GRID2: variants seen among roughly 807,000 people sequenced by gnomAD.
GRID2 encodes the protein glutamate receptor ionotropic, delta-2.
A neutral mutation model predicts 114.8 loss-of-function variants in GRID2; 33 were observed. That is an observed-to-expected ratio of 0.29 (90% CI 0.22 to 0.38). GRID2 has a LOEUF of 0.38. GRID2 is among the 10% of genes least tolerant of loss of function. The pLI is 1.00. For synonymous variants in GRID2, 505 were observed against 449.9 expected, an observed-to-expected ratio of 1.12 and a Z score of -1.55; for missense variants, 1,184 against 1,257.7, an observed-to-expected ratio of 0.94 and a Z score of 0.89.
intron 2 of GRID2, among the ~76,000 whole-genome samples, chr4:92,720,879 A>G (rs1449993713): frequency 6.6e-6 from 1 of 152,148 alleles, no homozygotes; most frequent in Non-Finnish European, 1.5e-5. Context: ...ATTATTTACA[A>G]TAGACAAAAC....
intron 2 of GRID2, among the ~76,000 whole-genome samples, chr4:92,971,764 G>T (rs1435618297): frequency 6.6e-6 from 1 of 151,782 alleles, no homozygotes; most frequent in Non-Finnish European, 1.5e-5. Flanking sequence ...ATTTTCTTTA[G>T]CTCCCACATA....
At chr4:93,537,404 A>G (rs1463331675) in intron 13 of GRID2, among the ~76,000 whole-genome samples, 1 of 151,812 alleles carries the variant, frequency 6.6e-6, no homozygotes. Context: ...TCTAATAAAT[A>G]AGACAAATCA....
intron 4 of GRID2, among the ~76,000 whole-genome samples, chr4:93,181,295 G>A (rs982210922): frequency 2.6e-5 from 4 of 152,126 alleles, no homozygotes; most frequent in African/African-American, 9.7e-5. Context: ...TCTCAACAGT[G>A]CACTTAAATA....
intron 1 of GRID2, among the ~76,000 whole-genome samples, chr4:92,471,501 G>T (rs1722031477): frequency 6.6e-6 from 1 of 151,912 alleles, no homozygotes; most frequent in Admixed American, 6.6e-5. Flanking sequence ...ATACTGCCTG[G>T]TATAATGATA....
intron 2 of GRID2, among the ~76,000 whole-genome samples, chr4:92,654,426 T>G (rs1415524350): frequency 2.0e-5 from 3 of 152,024 alleles, no homozygotes; most frequent in African/African-American, 7.2e-5. Context: ...ATTCAATCCA[T>G]AACACTGCCC....
intron 11 of GRID2, among the ~76,000 whole-genome samples, chr4:93,465,837 C>T (rs1724214072): frequency 6.6e-6 from 1 of 152,164 alleles, no homozygotes; most frequent in South Asian, 2.1e-4. Flanking sequence ...AATAAACTCA[C>T]AATAACTTTA....
chr4:92,515,329 T>C (rs1009259584), intron 1 of GRID2, among the ~76,000 whole-genome samples: 7 of 151,920 alleles, frequency 4.6e-5, no homozygotes, highest in Non-Finnish European at 8.8e-5. Flanking sequence ...GTCACCTTGT[T>C]TCTTAAAACT....
At chr4:93,126,560 A>ACAGTCATT (rs1387063866) in intron 4 of GRID2, among the ~76,000 whole-genome samples, 3 of 143,750 alleles carry the variant, frequency 2.1e-5, no homozygotes, top group African/African-American at 7.7e-5. Context: ...TCCCTGGTTG[A>ACAGTCATT]CAGTCATTGA....
intron 11 of GRID2, among the ~76,000 whole-genome samples, chr4:93,478,225 A>C (rs916588466): frequency 2.2e-4 from 33 of 152,262 alleles, no homozygotes; most frequent in African/African-American, 7.2e-4. Flanking sequence ...TTTAGTTCTA[A>C]TATGAGTTAT....
At chr4:93,277,212 A>C (rs1347922153) in intron 8 of GRID2, among the ~76,000 whole-genome samples, 1 of 151,976 alleles carries the variant, frequency 6.6e-6, no homozygotes, top group Non-Finnish European at 1.5e-5. Context: ...AATTTTAATT[A>C]AGTAAGTAAT....
chr4:93,639,794 T>G (rs201079787), intron 14 of GRID2, among the ~76,000 whole-genome samples: 9 of 12,730 alleles, frequency 7.1e-4, no homozygotes, highest in African/African-American at 9.1e-4. Flanking sequence ...GCAATGCGGG[T>G]TCTTTTTTGG....
At chr4:92,604,438 A>T (rs1729360549) in intron 2 of GRID2, among the ~76,000 whole-genome samples, 1 of 152,166 alleles carries the variant, frequency 6.6e-6, no homozygotes, top group African/African-American at 2.4e-5. Flanking sequence ...TAACACAGGA[A>T]CAGAGAACCA....
chr4:93,157,704 A>G lies in GRID2; in HGVS notation c.735+46751A>G, dbSNP rs1230647451. Among the ~76,000 whole-genome samples the G allele has an allele frequency of 3.3e-5, 5 of 151,680 alleles. No homozygotes were observed. In the East Asian group the frequency reaches 9.7e-4, roughly 29 times the overall value. On this transcript the variant is annotated intron_variant, in intron 4 of 15. Transcript: ENST00000282020. ...TTCACCTTATCTTACCTTTGTTTCT[A>G]TGTTGTCATTTTTAGATGCAAATAC...
intron 2 of GRID2, among the ~76,000 whole-genome samples, chr4:92,604,243 C>T (rs1270664128): frequency 6.6e-6 from 1 of 152,022 alleles, no homozygotes; most frequent in African/African-American, 2.4e-5. Context: ...GCATGCGTAT[C>T]TTCATTGCAG....
chr4:92,806,867 T>A (rs942554234), intron 2 of GRID2, among the ~76,000 whole-genome samples: 3 of 151,820 alleles, frequency 2.0e-5, no homozygotes, highest in African/African-American at 7.3e-5. Context: ...AATATTTAGA[T>A]AGGCAGAGGG....
chr4:93,581,021 G>A (rs1013472412), intron 13 of GRID2, among the ~76,000 whole-genome samples: 2 of 151,844 alleles, frequency 1.3e-5, no homozygotes, highest in African/African-American at 4.8e-5. Flanking sequence ...AGGTATACAC[G>A]TGCCATGGTG....
At chr4:93,460,408 C>T (rs1406941335) in intron 11 of GRID2, among the ~76,000 whole-genome samples, 2 of 152,156 alleles carry the variant, frequency 1.3e-5, no homozygotes, top group Non-Finnish European at 1.5e-5. Context: ...TTGTTACCAA[C>T]CTGATTAGAC....
chr4:93,093,423 A>G (rs950865121), intron 3 of GRID2, among the ~76,000 whole-genome samples: 2 of 152,046 alleles, frequency 1.3e-5, no homozygotes, highest in Non-Finnish European at 2.9e-5. Context: ...CCAGAGTCCA[A>G]CATAGCGATA....
chr4:93,403,514 C>T (rs1766110186), intron 9 of GRID2, among the ~76,000 whole-genome samples: 1 of 151,778 alleles, frequency 6.6e-6, no homozygotes, highest in South Asian at 2.1e-4. Flanking sequence ...AATATTATAA[C>T]TCAGTATGAA....
Sources: gnomAD v4.1 joint callset for allele counts (sites outside exome capture counted in the v4.1 genomes callset) on GRCh38, gnomAD v4.1.1 for gene constraint, MANE v1.5 for transcripts, NCBI Gene and HGNC (gene_info 2026-07-23, HGNC 2026-07-21) for gene names.